The following MAPK6 variants were observed in gnomAD, a reference collection of about 807,000 sequenced individuals.
MAPK6 encodes mitogen-activated protein kinase 6.
A neutral mutation model predicts 59.3 loss-of-function variants in MAPK6; 19 were observed. That is an observed-to-expected ratio of 0.32 (90% confidence interval 0.22 to 0.47). The LOEUF is 0.47. Among genes scored for constraint, MAPK6 ranks in the 20% least tolerant of loss-of-function variants. MAPK6 has a pLI of 1.00. For synonymous variants in MAPK6, 316 were observed against 290.3 expected (o/e 1.09, Z -0.90); for missense variants, 724 against 847.9 (o/e 0.85, Z 1.81).
chr15:51,985,089 C>G (rs1253184066), intron 2 of MAPK6, among the ~76,000 whole-genome samples: 3 of 152,116 alleles, frequency 2.0e-5, no homozygotes, highest in African/African-American at 7.2e-5. Flanking sequence ...AGTGTGGTGG[C>G]TTACAACTTT....
At chr15:52,050,780 A>T (rs753605789) in intron 3 of MAPK6, among the ~76,000 whole-genome samples, 17 of 152,196 alleles carry the variant, frequency 1.1e-4, no homozygotes, top group Non-Finnish European at 2.2e-4. Flanking sequence ...TGGGGAAGAG[A>T]GAAAATGTGT....
At chr15:52,060,638 G>T (rs753125092) in intron 4 of MAPK6, among the ~76,000 whole-genome samples, 1 of 152,142 alleles carries the variant, frequency 6.6e-6, no homozygotes, top group Non-Finnish European at 1.5e-5. Flanking sequence ...TTCAGGCTGC[G>T]TGAGGAACTA....
At chr15:52,037,229 A>C (rs1356360157) in intron 1 of MAPK6, among the ~76,000 whole-genome samples, 1 of 152,210 alleles carries the variant, frequency 6.6e-6, no homozygotes, top group Admixed American at 6.5e-5. Context: ...CAACAGAGTG[A>C]GACCCTGTCT....
chr15:52,057,249 G>C (rs1023721710), intron 3 of MAPK6: 1 of 151,612 alleles, frequency 6.6e-6, no homozygotes, highest in Non-Finnish European at 1.5e-5. Flanking sequence ...TCGCAGCCAG[G>C]GTGGTCCTGT....
chr15:52,049,900 A>G (rs969291703), intron 2 of MAPK6, 93 bp from the exon 3 acceptor site: 2 of 1,181,440 alleles, frequency 1.7e-6, no homozygotes, highest in Non-Finnish European at 2.5e-6. Flanking sequence ...GGCATGAGCC[A>G]CCACGCCTGG....
chr15:52,000,395 T>G (rs2057238695), intron 2 of MAPK6, among the ~76,000 whole-genome samples: 1 of 152,266 alleles, frequency 6.6e-6, no homozygotes, highest in African/African-American at 2.4e-5. Context: ...TTTTGTAGTA[T>G]TAGCTCTTGC....
Position 52,063,989 on chromosome 15 carries a change from G to A in MAPK6, c.1155G>A (p.Leu385=). 6.2e-7 allele frequency: 1 copy of A among 1,613,514 alleles called. No homozygotes were observed. Among genetic ancestry groups the A allele is most frequent in the Non-Finnish European group, 8.5e-7 (1 of 1,179,658 alleles). ...IDEVQLDPRA[L]SDVTDEEEVQ... The stretch of plus-strand genomic sequence containing the variant: ...AAGTTCAGCTTGATCCAAGAGCTCT[G>A]TCCGATGTCACTGATGAAGAAGAAG... The change falls in exon 6 of 6, where the codon CTG becomes CTA. Residue 385 remains leucine, a synonymous_variant. Coordinates refer to ENST00000261845, the MANE Select transcript of MAPK6 (RefSeq NM_002748.4).
At chr15:51,971,943 A>T in intron 1 of MAPK6, 1 of 549,714 alleles carries the variant, frequency 1.8e-6, no homozygotes, top group Non-Finnish European at 3.3e-6. Flanking sequence ...TTTCGTCAAT[A>T]TCTGTTATTT....
chr15:52,054,988 C>G (rs1010478933), intron 3 of MAPK6, among the ~76,000 whole-genome samples: 1 of 152,198 alleles, frequency 6.6e-6, no homozygotes, highest in African/African-American at 2.4e-5. Context: ...CCCTTTTGGC[C>G]AGGCCGGTCT....
At chr15:52,048,757 T>C (rs1294370778) in intron 2 of MAPK6, among the ~76,000 whole-genome samples, 1 of 152,146 alleles carries the variant, frequency 6.6e-6, no homozygotes, top group East Asian at 1.9e-4. Flanking sequence ...CTCCTGCCTG[T>C]AATCTCAGCA....
chr15:52,050,627 C>T (rs953484185), intron 3 of MAPK6, among the ~76,000 whole-genome samples: 1 of 152,116 alleles, frequency 6.6e-6, no homozygotes, highest in Non-Finnish European at 1.5e-5. Context: ...TGTCATAAAG[C>T]AAAGCATAGG....
intron 3 of MAPK6, among the ~76,000 whole-genome samples, chr15:52,010,513 C>A (rs1054963631): frequency 5.2e-5 from 7 of 133,584 alleles, no homozygotes; most frequent in Admixed American, 3.3e-4. Flanking sequence ...TTGCACCCAG[C>A]CTTTTTTTTT....
At chr15:51,984,249 C>T (rs949130454) in intron 2 of MAPK6, among the ~76,000 whole-genome samples, 3 of 151,928 alleles carry the variant, frequency 2.0e-5, no homozygotes, top group Non-Finnish European at 4.4e-5. Flanking sequence ...TCACTAAAGC[C>T]AGTTAGGAAA....
chr15:52,049,133 T>G (rs1312324609), intron 2 of MAPK6, among the ~76,000 whole-genome samples: 2 of 152,166 alleles, frequency 1.3e-5, no homozygotes, highest in Non-Finnish European at 2.9e-5. Context: ...TAAGGTTTTG[T>G]AAGGTGCTTT....
chr15:52,012,999 AAAAAAAAAAAAAAAAAAAAAAATAT>A (rs1466677055), intron 3 of MAPK6, among the ~76,000 whole-genome samples: 568 of 15,862 alleles, frequency 0.036, no homozygotes, highest in Non-Finnish European at 0.062. Context: ...AAAAAAAAAA[AAAAAAAAAAAAAAAAAAAAAAATAT>A]ATATATATAT....
intron 1 of MAPK6, among the ~76,000 whole-genome samples, 177 bp downstream of exon 1, chr15:52,019,553 C>T (rs2030419921): frequency 6.8e-6 from 1 of 146,266 alleles, no homozygotes; most frequent in East Asian, 2.0e-4. Context: ...GTCTGCCGCC[C>T]GCCCCCTGCT....
At chr15:52,020,922 T>A (rs576286320) in intron 1 of MAPK6, among the ~76,000 whole-genome samples, 1 of 152,230 alleles carries the variant, frequency 6.6e-6, no homozygotes. Flanking sequence ...CTAGAAAATA[T>A]GCCAGATTTG....
At chr15:52,060,912 T>C (rs2032174875) in intron 4 of MAPK6, among the ~76,000 whole-genome samples, 1 of 152,236 alleles carries the variant, frequency 6.6e-6, no homozygotes, top group Non-Finnish European at 1.5e-5. Flanking sequence ...ATGAAGAAAC[T>C]GATGTTCATC....
rs557008582 is a variant in MAPK6 at position 51,986,434 on chromosome 15, C to T, written c.-770+3119C>T. On this transcript the variant is annotated intron_variant, in intron 2 of 7. Transcript: ENST00000691380. ...TTGCACAAGAAAATGTCTGAAAGGACATAAGCCAAAATGTACATGGAGTTT... is the reference window on the plus strand; with the variant it reads ...TTGCACAAGAAAATGTCTGAAAGGATATAAGCCAAAATGTACATGGAGTTT... 1.5e-4 allele frequency among the ~76,000 whole-genome samples: 23 copies of T among 152,136 alleles called. No homozygotes were observed. The South Asian group carries it at 4.2e-3, about 27-fold the overall frequency.
Sources: gnomAD v4.1 joint callset for allele counts (sites outside exome capture counted in the v4.1 genomes callset) on GRCh38, gnomAD v4.1.1 for gene constraint, MANE v1.5 for transcripts, NCBI Gene and HGNC (gene_info 2026-07-23, HGNC 2026-07-21) for gene names.